The following PRKCH variants were observed in gnomAD, a reference collection of about 807,000 sequenced individuals.
The protein encoded by PRKCH is protein kinase C eta type.
In PRKCH, 28 loss-of-function variants were observed where a neutral mutation model predicts 82.5. The ratio of observed to expected loss-of-function variants is 0.34; its 90% CI spans 0.25 to 0.47. The LOEUF is 0.47. Ranked by LOEUF, PRKCH falls within the 20% of genes least tolerant of loss-of-function variation. The pLI is 1.00. For synonymous variants in PRKCH, 322 were observed against 327.4 expected, an observed-to-expected ratio of 0.98 and a Z score of 0.18; for missense variants, 705 against 881.8, an observed-to-expected ratio of 0.80 and a Z score of 2.54.
intron 7 of PRKCH, among the ~76,000 whole-genome samples, chr14:61,455,136 TCTC>T (rs1319625813): frequency 2.0e-5 from 3 of 151,814 alleles, no homozygotes; most frequent in Non-Finnish European, 4.4e-5. Flanking sequence ...TTCACGCCAT[TCTC>T]CTGCCTCAGC....
intron 1 of PRKCH, among the ~76,000 whole-genome samples, chr14:61,198,587 G>A (rs112618007): frequency 0.024 from 3,644 of 152,272 alleles, 135 homozygotes; most frequent in African/African-American, 0.081. Context: ...CCCACAGTTA[G>A]CGTGTGGGCA....
At chr14:61,310,556 A>G (rs2045514949) in intron 1 of PRKCH, among the ~76,000 whole-genome samples, 1 of 152,190 alleles carries the variant, frequency 6.6e-6, no homozygotes, top group Admixed American at 6.5e-5. Flanking sequence ...GTGGGTCTTC[A>G]AGGTACAGCT....
At chr14:61,349,877 A>AG (rs1381630154) in intron 1 of PRKCH, among the ~76,000 whole-genome samples, 6 of 152,070 alleles carry the variant, frequency 3.9e-5, no homozygotes, top group African/African-American at 4.8e-5. Context: ...TAAAAAAAAA[A>AG]GAAATGCTGG....
chr14:61,534,188 A>G (rs957288214), intron 12 of PRKCH, among the ~76,000 whole-genome samples: 1 of 152,212 alleles, frequency 6.6e-6, no homozygotes, highest in African/African-American at 2.4e-5. Flanking sequence ...GAATTACCAT[A>G]TGATCTAGCA....
chr14:61,412,270 G>C (rs868226954), intron 2 of PRKCH, among the ~76,000 whole-genome samples: 1 of 152,060 alleles, frequency 6.6e-6, no homozygotes, highest in South Asian at 2.1e-4. Flanking sequence ...ACATTAAAAT[G>C]GTTATTATAA....
Position 61,453,547 on chromosome 14 carries a change from CCTTT to C in PRKCH, c.960+205_960+208del, listed in dbSNP as rs200471279. Among the ~76,000 whole-genome samples the C allele has an allele frequency of 9.9e-3, 1,432 of 144,020 alleles. 26 individuals are homozygous for C. Among genetic ancestry groups the C allele is most frequent in the African/African-American group, 0.034 (1,357 of 39,568 alleles). 94.5% of individuals were successfully genotyped at this position (144,020 alleles called of 152,430 possible). A position where few individuals can be genotyped will look rare whatever the true frequency, so the allele number is the denominator to read the frequency against. On this transcript the variant is annotated intron_variant, in intron 7 of 13. Coordinates refer to ENST00000332981, the MANE Select transcript of PRKCH (RefSeq NM_006255.5). Reference sequence around the variant, plus strand: ...CTTTCTTTCTCTTTCTTTCTTTCTTCCTTTCTTTCTTTCTCTCTTTCTCCCTTTT... The same window carrying C: ...CTTTCTTTCTCTTTCTTTCTTTCTTCCTTTCTTTCTCTCTTTCTCCCTTTT...
chr14:61,226,428 G>A (rs988658428), intron 1 of PRKCH, among the ~76,000 whole-genome samples: 1 of 152,206 alleles, frequency 6.6e-6, no homozygotes, highest in African/African-American at 2.4e-5. Context: ...AAAGTCAAGA[G>A]AGGAAAGTAT....
intron 2 of PRKCH, among the ~76,000 whole-genome samples, chr14:61,440,064 T>C (rs1883883972): frequency 6.6e-6 from 1 of 152,228 alleles, no homozygotes; most frequent in Non-Finnish European, 1.5e-5. Context: ...TTACTATTAA[T>C]AATTCAAGAC....
chr14:61,261,204 T>C (rs781323792), intron 1 of PRKCH, among the ~76,000 whole-genome samples: 1 of 152,150 alleles, frequency 6.6e-6, no homozygotes, highest in Non-Finnish European at 1.5e-5. Flanking sequence ...CACACGCACA[T>C]GCACATGCAC....
chr14:61,215,224 C>T (rs10135069), intron 1 of PRKCH, among the ~76,000 whole-genome samples: 141,051 of 152,178 alleles, frequency 0.93, 65,837 homozygotes, highest in Non-Finnish European at 0.98. Flanking sequence ...GAGGAACATT[C>T]ACAACCAGTA....
At chr14:61,415,714 G>A (rs183232959) in intron 2 of PRKCH, among the ~76,000 whole-genome samples, 1 of 152,228 alleles carries the variant, frequency 6.6e-6, no homozygotes, top group Non-Finnish European at 1.5e-5. Flanking sequence ...TGAACCATTT[G>A]TAAGTGTATA....
intron 13 of PRKCH, 114 bp from the exon 14 acceptor site, chr14:61,549,571 T>C: frequency 8.7e-7 from 1 of 1,152,858 alleles, no homozygotes; most frequent in Non-Finnish European, 1.2e-6. Context: ...ATAATGCTAC[T>C]GAACAAGCTA....
At chr14:61,420,650 G>A (rs938146372) in intron 2 of PRKCH, among the ~76,000 whole-genome samples, 2 of 151,848 alleles carry the variant, frequency 1.3e-5, no homozygotes, top group Admixed American at 1.3e-4. Flanking sequence ...ACATACAGCA[G>A]TGTTTTATTT....
chr14:61,479,526 A>C (rs80200216), intron 9 of PRKCH, among the ~76,000 whole-genome samples: 2,649 of 152,192 alleles, frequency 0.017, 73 homozygotes, highest in African/African-American at 0.061. Context: ...CTCTCCAGTC[A>C]CTTTCCTTAG....
intron 9 of PRKCH, among the ~76,000 whole-genome samples, chr14:61,472,356 T>C (rs76652460): frequency 0.012 from 1,807 of 152,358 alleles, 30 homozygotes; most frequent in African/African-American, 0.041. Flanking sequence ...AGTGGCATTT[T>C]ATGAAAAGCA....
At chr14:61,441,727 A>AATT (rs1412829335) in intron 2 of PRKCH, among the ~76,000 whole-genome samples, 9 of 127,094 alleles carry the variant, frequency 7.1e-5, no homozygotes, top group East Asian at 2.6e-4. Context: ...TCTGCTTTGT[A>AATT]TTTTTTTTTT....
intron 2 of PRKCH, among the ~76,000 whole-genome samples, chr14:61,405,662 G>A (rs1428667876): frequency 2.6e-5 from 4 of 152,182 alleles, no homozygotes; most frequent in South Asian, 2.1e-4. Flanking sequence ...ATAGGTGAGC[G>A]CCACCATGCC....
intron 1 of PRKCH, among the ~76,000 whole-genome samples, chr14:61,375,745 G>A (rs2046420670): frequency 6.6e-6 from 1 of 152,006 alleles, no homozygotes; most frequent in Admixed American, 6.6e-5. Context: ...TCCCCAACAT[G>A]ACTGGATTAC....
At chr14:61,390,680 A>T (rs2046664358) in intron 1 of PRKCH, 1 of 152,804 alleles carries the variant, frequency 6.5e-6, no homozygotes, top group Non-Finnish European at 1.5e-5. Context: ...CTCTCAAAAA[A>T]AAAAGAGTAG....
Sources: allele counts gnomAD v4.1 joint callset (sites outside exome capture counted in the v4.1 genomes callset), GRCh38; gene constraint gnomAD v4.1.1; transcripts MANE v1.5; gene names NCBI Gene and HGNC (gene_info 2026-07-23, HGNC 2026-07-21).